PISD: variants seen among roughly 807,000 people sequenced by gnomAD.
PISD encodes phosphatidylserine decarboxylase proenzyme, mitochondrial.
PISD carries 31 observed loss-of-function variants against 43.5 expected under a neutral mutation model. The ratio of observed to expected loss-of-function variants is 0.71; its 90% confidence interval spans 0.54 to 0.96. The LOEUF is 0.96. Ranked by LOEUF, PISD falls within the 40% of genes least tolerant of loss-of-function variation. PISD has a pLI of 0.00. For synonymous variants in PISD, 259 were observed against 228.7 expected, an observed-to-expected ratio of 1.13 and a Z score of -1.20; for missense variants, 523 against 548.4, an observed-to-expected ratio of 0.95 and a Z score of 0.46.
chr22:31,644,630 G>A (rs886832642), intron 3 of PISD, among the ~76,000 whole-genome samples: 1 of 152,188 alleles, frequency 6.6e-6, no homozygotes, highest in Non-Finnish European at 1.5e-5. Flanking sequence ...ACAGTGATTA[G>A]GTGGAACCAG....
chr22:31,650,121 G>A (rs1009622870), intron 2 of PISD, among the ~76,000 whole-genome samples: 1 of 152,152 alleles, frequency 6.6e-6, no homozygotes. Context: ...TTAGTAATCA[G>A]GGAAATGCAA....
At chr22:31,647,694 T>G (rs560983404) in intron 3 of PISD, among the ~76,000 whole-genome samples, 9 of 152,282 alleles carry the variant, frequency 5.9e-5, no homozygotes, top group African/African-American at 2.2e-4. Context: ...AGGAAGCATT[T>G]TGAGCAATAA....
At chr22:31,645,830 C>T in intron 3 of PISD, among the ~76,000 whole-genome samples, 1 of 146,380 alleles carries the variant, frequency 6.8e-6, no homozygotes, top group Admixed American at 6.8e-5. Flanking sequence ...GCCTTCCAGC[C>T]TGGGCAACAG....
intron 1 of PISD, among the ~76,000 whole-genome samples, chr22:31,653,977 C>T (rs1277009181): frequency 6.6e-6 from 1 of 152,180 alleles, no homozygotes; most frequent in Non-Finnish European, 1.5e-5. Flanking sequence ...ACCATGCTAT[C>T]ATTCTTTGGT....
Position 31,637,143 on chromosome 22 carries a change from TAAAAAAAAAAAAA to T in PISD, c.321+10945_321+10957del, listed in dbSNP as rs1170100945. On this transcript the variant is annotated intron_variant, in intron 3 of 7. Coordinates refer to ENST00000439502, the MANE Select transcript of PISD (RefSeq NM_001326411.2). ...CAAAAAAAAATAATAATAAATAAAT[TAAAAAAAAAAAAA>T]AAAAAAAAATATATATATATATATA... Among the ~76,000 whole-genome samples, 215 of 31,498 alleles carry T rather than the reference TAAAAAAAAAAAAA, an allele frequency of 6.8e-3. 5 individuals carry two copies. Among genetic ancestry groups the T allele is most frequent in the Middle Eastern group, 0.043 (2 of 46 alleles). 20.7% of individuals were successfully genotyped at this position (31,498 alleles called of 152,430 possible).
intron 2 of PISD, among the ~76,000 whole-genome samples, chr22:31,649,595 T>C (rs2073981053): frequency 6.6e-6 from 1 of 151,808 alleles, no homozygotes; most frequent in Non-Finnish European, 1.5e-5. Context: ...TAGCCAGGCA[T>C]GGTGGTGGGT....
At chr22:31,627,916 CA>C (rs1485867627) in intron 3 of PISD, 13 of 590,260 alleles carry the variant, frequency 2.2e-5, no homozygotes, top group Non-Finnish European at 2.6e-5. Flanking sequence ...CACATGAGGC[CA>C]GGGGCCAGGT....
Position 31,621,327 on chromosome 22 carries a change from G to T in PISD, c.697+7C>A. On this transcript the variant is annotated splice_region_variant and intron_variant, in intron 5 of 7. Transcript: ENST00000439502. ...GGCTGCCTAGCCCCGCCTGTGCAGT[G>T]ACCCACCTGGTGGGAAGGGCAGGTC... The T allele has an allele frequency of 6.2e-7, 1 of 1,613,990 alleles. No individual in the cohort carries two copies. Among genetic ancestry groups the T allele is most frequent in the Non-Finnish European group, 8.5e-7 (1 of 1,179,990 alleles).
At chr22:31,643,550 G>A (rs868401988) in intron 3 of PISD, among the ~76,000 whole-genome samples, 78 of 152,224 alleles carry the variant, frequency 5.1e-4, no homozygotes, top group African/African-American at 1.7e-3. Flanking sequence ...AGCAAGATAT[G>A]ATCACACCAC....
At chr22:31,628,395 G>A (rs544815181) in intron 3 of PISD, among the ~76,000 whole-genome samples, 195 of 152,348 alleles carry the variant, frequency 1.3e-3, no homozygotes, top group Non-Finnish European at 2.1e-3. Context: ...GAGGTGACAC[G>A]AGGTGGGAGC....
rs1401513187 is a variant in PISD, at chr22:31,619,019, G to T, written c.*593C>A. 1.6e-5 allele frequency: 3 copies of T among 186,124 alleles called. No individual in the cohort carries two copies. Among genetic ancestry groups the T allele is most frequent in the African/African-American group, 7.2e-5 (3 of 41,926 alleles). 11.5% of individuals were successfully genotyped at this position (186,124 alleles called of 1,614,324 possible). On this transcript the variant is annotated 3_prime_UTR_variant, in exon 8 of 8. Coordinates refer to ENST00000439502, the MANE Select transcript of PISD (RefSeq NM_001326411.2). ...ATCAGTGTCATCAGTGTCCTCAGAA[G>T]ACACTAGCAGAGTCCAGGGTGATGC...
In PISD at chr22:31,632,368, T is replaced by C. The variant is rs768322261; in HGVS notation, c.322-10483A>G. On this transcript the variant is annotated intron_variant, in intron 3 of 7. Transcript: ENST00000439502. ...CACCCCTAAGGGCCTCAGCATGTGG[T>C]ACAGGGGTGGCAGATACCTTATACA... 5 of 290,512 alleles carry C rather than the reference T, an allele frequency of 1.7e-5. No individual in the cohort carries two copies. In the East Asian group the frequency reaches 6.9e-4, roughly 40 times the overall value. 18.0% of individuals were successfully genotyped at this position (290,512 alleles called of 1,614,324 possible).
intron 2 of PISD, among the ~76,000 whole-genome samples, chr22:31,648,809 G>A (rs1441605369): frequency 1.3e-5 from 2 of 151,958 alleles, no homozygotes; most frequent in African/African-American, 4.8e-5. Flanking sequence ...CTTTCCTATA[G>A]AATTACAATG....
Position 31,658,898 on chromosome 22 carries a change from G to A in PISD, c.65+3246C>T, listed in dbSNP as rs527490165. 1.1e-3 allele frequency among the ~76,000 whole-genome samples: 168 copies of A among 148,644 alleles called. 10 individuals are homozygous for A. The South Asian group carries it at 0.035, about 31-fold the overall frequency. ...AGACAGGGTCTCACTCTGTTGCCCA[G>A]GCTGGAGTGCAGTGGCATGATCTTG... is the stretch of plus-strand genomic sequence containing the variant. On this transcript the variant is annotated intron_variant, in intron 1 of 7. Transcript: ENST00000439502.
At chr22:31,631,137 G>A (rs1440909404) in intron 3 of PISD, among the ~76,000 whole-genome samples, 1 of 151,462 alleles carries the variant, frequency 6.6e-6, no homozygotes, top group Non-Finnish European at 1.5e-5. Flanking sequence ...GATGCCTCCT[G>A]TCTGTCCTCA....
intron 3 of PISD, chr22:31,625,467 C>T: frequency 1.8e-6 from 1 of 541,666 alleles, no homozygotes; most frequent in Non-Finnish European, 3.3e-6. Flanking sequence ...AGGGTCTGGG[C>T]TGCGAGCAGG....
In PISD at chr22:31,621,444, T is replaced by C. The variant is rs148585801; in HGVS notation, c.587A>G (p.Asn196Ser). Residue 196 changes from asparagine to serine, a missense_variant, in exon 5 of 8, where the codon AAC (asparagine) becomes AGC (serine). Physicochemically the swap from Asn to Ser is conservative, Grantham distance 46. Transcript: ENST00000439502. ...CTCACAGTTCTTCACCTGCCCAAAGTTGAGGATCCTTCCATCCGATGGGCT... is the reference window on the plus strand; with the variant it reads ...CTCACAGTTCTTCACCTGCCCAAAGCTGAGGATCCTTCCATCCGATGGGCT... ...VISPSDGRIL[N>S]FGQVKNCEVE... 3.5e-5 allele frequency: 56 copies of C among 1,614,090 alleles called. No individual in the cohort carries two copies. The African/African-American group carries it at 3.7e-4, about 11-fold the overall frequency.
At position 31,620,646 on chromosome 22, in the gene PISD, C is replaced by T; in HGVS notation, c.912G>A (p.Arg304=). ...WIKELFCHNE[R]VVLTGDWKHG... ...GTTTCCAGTCCCCCGTCAGGACCACCCGCTCGTTATGGCAGAAGAGCTCTT... is the reference window on the plus strand; with the variant it reads ...GTTTCCAGTCCCCCGTCAGGACCACTCGCTCGTTATGGCAGAAGAGCTCTT... Residue 304 remains arginine, a synonymous_variant, in exon 7 of 8, where the codon CGG becomes CGA. Coordinates refer to ENST00000439502, the MANE Select transcript of PISD (RefSeq NM_001326411.2). The T allele has an allele frequency of 6.2e-7, 1 of 1,614,222 alleles. No individual in the cohort carries two copies. Among genetic ancestry groups the T allele is most frequent in the Non-Finnish European group, 8.5e-7 (1 of 1,180,034 alleles).
At chr22:31,633,965 ACT>A (rs1025248540) in intron 3 of PISD, among the ~76,000 whole-genome samples, 4 of 151,894 alleles carry the variant, frequency 2.6e-5, no homozygotes, top group African/African-American at 7.3e-5. Flanking sequence ...CACGCCTCCC[ACT>A]CTGTTAGGAC....
Sources: allele counts gnomAD v4.1 joint callset (sites outside exome capture counted in the v4.1 genomes callset), GRCh38; gene constraint gnomAD v4.1.1; transcripts MANE v1.5; gene names NCBI Gene and HGNC (gene_info 2026-07-23, HGNC 2026-07-21).